DMD: variants seen among roughly 807,000 people sequenced by gnomAD.
The protein encoded by DMD is dystrophin.
DMD carries 63 observed loss-of-function variants against 330.1 expected under a neutral mutation model. The observed-to-expected ratio is 0.19, with a 90% CI of 0.16 to 0.24. The LOEUF is 0.24. Ranked by LOEUF, DMD falls within the 10% of genes least tolerant of loss-of-function variation. The pLI is 1.00. For missense variants in DMD, 3,344 were observed against 2,684.1 expected, an observed-to-expected ratio of 1.25 and a Z score of -5.43; for synonymous variants, 1,223 against 959.8, an observed-to-expected ratio of 1.27 and a Z score of -5.07.
chrX:32,481,508 G>A (rs961426967), intron 21 of DMD, among the ~76,000 whole-genome samples: 1 of 111,629 alleles, frequency 9.0e-6, no homozygotes, highest in Non-Finnish European at 1.9e-5. Context: ...AGTTCTATAA[G>A]AGCAATTCTA....
chrX:32,412,089 G>A, intron 29 of DMD, 176 bp from the exon 30 acceptor site: 1 of 1,173,791 alleles, frequency 8.5e-7, no homozygotes, highest in Non-Finnish European at 1.1e-6. Context: ...AAATGTGAAG[G>A]AGAAAAATAA....
chrX:32,804,662 C>G (rs2076824181), intron 7 of DMD, among the ~76,000 whole-genome samples: 1 of 112,484 alleles, frequency 8.9e-6, no homozygotes, highest in Non-Finnish European at 1.9e-5. Context: ...GCCCTGACCC[C>G]CGTGCCTCCT....
chrX:32,376,912 A>T (rs748493724), intron 34 of DMD, among the ~76,000 whole-genome samples: 2 of 111,549 alleles, frequency 1.8e-5, no homozygotes, highest in East Asian at 2.8e-4. Context: ...AAATATGCTT[A>T]TACTTTTCTA....
chrX:32,700,080 C>T (rs2063979093), intron 7 of DMD, among the ~76,000 whole-genome samples: 1 of 111,574 alleles, frequency 9.0e-6, no homozygotes. Context: ...TCAAAAGATT[C>T]ATTTGCTACT....
chrX:33,206,401 C>G (rs1322455538), intron 1 of DMD, among the ~76,000 whole-genome samples: 1 of 111,540 alleles, frequency 9.0e-6, no homozygotes, highest in Non-Finnish European at 1.9e-5. Context: ...AAGGAAATGA[C>G]AACTCCATTT....
At chrX:32,023,300 G>C (rs1180145749) in intron 44 of DMD, among the ~76,000 whole-genome samples, 1 of 110,919 alleles carries the variant, frequency 9.0e-6, no homozygotes, top group South Asian at 3.8e-4. Flanking sequence ...CTAAGACCTG[G>C]GGGGTATTAT....
chrX:33,297,532 T>A (rs1006188007), intron 1 of DMD, among the ~76,000 whole-genome samples: 2 of 111,280 alleles, frequency 1.8e-5, no homozygotes, highest in Non-Finnish European at 3.8e-5. Flanking sequence ...AATATATCTG[T>A]ACTCTGACAT....
At chrX:32,324,793 A>G (rs1456166137) in intron 41 of DMD, among the ~76,000 whole-genome samples, 2 of 112,284 alleles carry the variant, frequency 1.8e-5, no homozygotes, top group Non-Finnish European at 1.9e-5. Flanking sequence ...AAAACCGACA[A>G]GCTAAATTTA....
At chrX:31,345,810 C>T (rs2058049845) in intron 61 of DMD, among the ~76,000 whole-genome samples, 1 of 111,541 alleles carries the variant, frequency 9.0e-6, no homozygotes, top group African/African-American at 3.3e-5. Flanking sequence ...CTTGGCAACT[C>T]CAAAGCATTG....
intron 41 of DMD, among the ~76,000 whole-genome samples, chrX:32,312,941 C>CAAAAAAAAAAAAAAAAAAAAAA (rs1171543953): frequency 6.3e-4 from 12 of 19,165 alleles, no homozygotes; most frequent in Non-Finnish European, 1.2e-3. Flanking sequence ...AGCCTACGAA[C>CAAAAAAAAAAAAAAAAAAAAAA]CAAAAAAAAA....
intron 1 of DMD, among the ~76,000 whole-genome samples, chrX:33,164,737 G>A (rs1008073079): frequency 9.1e-6 from 1 of 110,339 alleles, no homozygotes; most frequent in African/African-American, 3.3e-5. Context: ...AGCACAACAG[G>A]GTCCACAGGC....
At chrX:31,772,335 C>A (rs1603463557) in intron 51 of DMD, among the ~76,000 whole-genome samples, 1 of 111,902 alleles carries the variant, frequency 8.9e-6, no homozygotes, top group African/African-American at 3.2e-5. Flanking sequence ...GGTCACACAG[C>A]TTGGGAGCCA....
At chrX:32,480,880 C>A (rs1400549752) in intron 21 of DMD, among the ~76,000 whole-genome samples, 2 of 110,491 alleles carry the variant, frequency 1.8e-5, no homozygotes, top group East Asian at 5.7e-4. Flanking sequence ...AACAGTTTAC[C>A]TAGTTTCTGG....
chrX:32,537,332 A>C (rs774101512), intron 17 of DMD, among the ~76,000 whole-genome samples: 2 of 111,679 alleles, frequency 1.8e-5, no homozygotes, highest in African/African-American at 6.5e-5. Context: ...GGTGATGATA[A>C]AGATTATAAA....
At chrX:32,133,664 C>G (rs1214451276) in intron 44 of DMD, among the ~76,000 whole-genome samples, 3 of 111,280 alleles carry the variant, frequency 2.7e-5, no homozygotes. Context: ...AACGTTGGAG[C>G]CATTCATGAC....
chrX:31,743,781 G>A (rs1436241764), intron 51 of DMD, among the ~76,000 whole-genome samples: 2 of 111,230 alleles, frequency 1.8e-5, no homozygotes, highest in Non-Finnish European at 3.8e-5. Context: ...TCCAAACCTC[G>A]GCATCATGTA....
intron 43 of DMD, among the ~76,000 whole-genome samples, chrX:32,221,939 T>A (rs1398014625): frequency 8.9e-6 from 1 of 112,295 alleles, no homozygotes; most frequent in East Asian, 2.8e-4. Flanking sequence ...CTGAATAGTA[T>A]TTCACGGTAT....
chrX:31,842,515 A>G (rs1326827313), intron 48 of DMD, among the ~76,000 whole-genome samples: 1 of 111,567 alleles, frequency 9.0e-6, no homozygotes, highest in Admixed American at 9.5e-5. Context: ...TTTTGTGAAA[A>G]AAATCAACCA....
At chrX:32,558,545 G>A (rs1269926567) in intron 16 of DMD, among the ~76,000 whole-genome samples, 3 of 111,417 alleles carry the variant, frequency 2.7e-5, no homozygotes, top group Admixed American at 1.9e-4. Flanking sequence ...AGTCTCCTTT[G>A]AATAGGGATA....
Sources: allele counts gnomAD v4.1 joint callset (sites outside exome capture counted in the v4.1 genomes callset), GRCh38; gene constraint gnomAD v4.1.1; transcripts MANE v1.5; gene names NCBI Gene and HGNC (gene_info 2026-07-23, HGNC 2026-07-21).